Variants in RNF217 observed in about 807,000 individuals in gnomAD.
RNF217 encodes E3 ubiquitin-protein ligase RNF217.
A neutral mutation model predicts 57.8 loss-of-function variants in RNF217; 31 were observed. The ratio of observed to expected loss-of-function variants is 0.54; its 90% confidence interval spans 0.40 to 0.72. RNF217 has a LOEUF of 0.72. RNF217 is among the 30% of genes least tolerant of loss of function. RNF217 has a pLI of 0.00. For synonymous variants in RNF217, 313 were observed against 294.0 expected, an observed-to-expected ratio of 1.06 and a Z score of -0.66; for missense variants, 696 against 708.3, an observed-to-expected ratio of 0.98 and a Z score of 0.20.
intron 1 of RNF217, among the ~76,000 whole-genome samples, chr6:125,007,309 G>C (rs550697966): frequency 8.0e-5 from 12 of 150,188 alleles, no homozygotes; most frequent in African/African-American, 2.9e-4. Flanking sequence ...GCAGTGGTGC[G>C]ATCTCGGCTC....
intron 1 of RNF217, among the ~76,000 whole-genome samples, chr6:125,030,004 G>T (rs148584941): frequency 6.6e-6 from 1 of 152,228 alleles, no homozygotes; most frequent in African/African-American, 2.4e-5. Flanking sequence ...GTTACACGTG[G>T]CTGGGGAGGC....
chr6:124,965,141 G>A (rs1029460201), intron 1 of RNF217, among the ~76,000 whole-genome samples: 1 of 151,438 alleles, frequency 6.6e-6, no homozygotes, highest in African/African-American at 2.5e-5. Flanking sequence ...TAGTCAAGTG[G>A]TCATTGCAGT....
intron 1 of RNF217, among the ~76,000 whole-genome samples, chr6:124,979,736 T>C (rs1784091208): frequency 6.6e-6 from 1 of 152,240 alleles, no homozygotes; most frequent in South Asian, 2.1e-4. Context: ...ACAGTTTGCT[T>C]GAGCTGTAAC....
chr6:125,008,224 C>T (rs1227555343), intron 1 of RNF217, among the ~76,000 whole-genome samples: 1 of 151,790 alleles, frequency 6.6e-6, no homozygotes, highest in Non-Finnish European at 1.5e-5. Context: ...CCACTGCACT[C>T]CAGCCTGGGT....
In RNF217 at chr6:125,040,103, GA is replaced by G. The variant is rs1237774264; in HGVS notation, c.883-5106del. On this transcript the variant is annotated intron_variant, in intron 1 of 5. Coordinates refer to ENST00000521654, the MANE Select transcript of RNF217 (RefSeq NM_001286398.3). Reference sequence around the variant, plus strand: ...AAATAACTAAGATCAGAGCAGAATTGAAGGAGATAGAGACATGAAAAAACCT... The same window carrying G: ...AAATAACTAAGATCAGAGCAGAATTGAGGAGATAGAGACATGAAAAAACCT... 2.6e-5 allele frequency among the ~76,000 whole-genome samples: 4 copies of G among 152,180 alleles called. No homozygotes were observed. The East Asian group carries it at 7.7e-4, about 29-fold the overall frequency.
intron 1 of RNF217, among the ~76,000 whole-genome samples, chr6:125,025,542 CAAAG>C (rs1455501679): frequency 1.8e-5 from 2 of 108,602 alleles, no homozygotes; most frequent in Non-Finnish European, 3.5e-5. Flanking sequence ...GGGATATTTC[CAAAG>C]GAAGGAAGGA....
At chr6:125,073,564 C>T (rs1328269243) in intron 3 of RNF217, among the ~76,000 whole-genome samples, 1 of 152,160 alleles carries the variant, frequency 6.6e-6, no homozygotes, top group Non-Finnish European at 1.5e-5. Flanking sequence ...TTAGATAAGG[C>T]AACCCATAGC....
At position 125,058,067 on chromosome 6, in the gene RNF217, G is replaced by A. The variant is rs150986062; in HGVS notation, c.1242G>A (p.Glu414=). The A allele has an allele frequency of 2.5e-5, 40 of 1,613,382 alleles. 1 individual carries two copies. Among genetic ancestry groups the A allele is most frequent in the South Asian group, 1.9e-4 (17 of 91,028 alleles). Residue 414 remains glutamate (E), a synonymous_variant, in exon 3 of 6, where the codon GAG becomes GAA. Transcript: ENST00000521654. ...KLLRHWASEI[E]HGQRNAQKCP... is the part of the protein sequence containing the mutation. Reference sequence around the variant, plus strand: ...TGCGTCACTGGGCCAGCGAAATTGAGCATGGGCAGAGGAATGCCCAGAAGT... The same window carrying A: ...TGCGTCACTGGGCCAGCGAAATTGAACATGGGCAGAGGAATGCCCAGAAGT...
chr6:125,031,139 CAG>C (rs1562477139), intron 1 of RNF217, among the ~76,000 whole-genome samples: 1 of 152,230 alleles, frequency 6.6e-6, no homozygotes, highest in Admixed American at 6.5e-5. Flanking sequence ...AGCTGGGACA[CAG>C]GGCACCAAGT....
At chr6:124,978,704 G>A (rs1203718936) in intron 1 of RNF217, among the ~76,000 whole-genome samples, 4 of 152,060 alleles carry the variant, frequency 2.6e-5, no homozygotes, top group Admixed American at 6.6e-5. Context: ...TTCATTCCTG[G>A]TGCCTGCAGC....
intron 1 of RNF217, among the ~76,000 whole-genome samples, chr6:124,969,445 A>T (rs558275881): frequency 1.3e-5 from 2 of 152,290 alleles, no homozygotes; most frequent in South Asian, 2.1e-4. Context: ...TGCTTTAAAA[A>T]TTCAATGTGT....
In RNF217 at chr6:125,082,645, C is replaced by T. The variant is rs990361333; in HGVS notation, c.1556-219C>T. 2.8e-5 allele frequency: 43 copies of T among 1,554,414 alleles called. No individual in the cohort carries two copies. In the Admixed American group the frequency reaches 7.3e-4, roughly 27 times the overall value. Reference sequence around the variant, plus strand: ...AAAGTTTTGATATTTGGATAGAAATCATTATTATTAAACTGGTATCACTGA... The same window carrying T: ...AAAGTTTTGATATTTGGATAGAAATTATTATTATTAAACTGGTATCACTGA... On this transcript the variant is annotated intron_variant, in intron 5 of 5. Coordinates refer to ENST00000521654, the MANE Select transcript of RNF217 (RefSeq NM_001286398.3).
At chr6:125,012,606 G>A (rs1785452508) in intron 1 of RNF217, among the ~76,000 whole-genome samples, 1 of 152,110 alleles carries the variant, frequency 6.6e-6, no homozygotes, top group South Asian at 2.1e-4. Flanking sequence ...GTGTTTTGCA[G>A]AAATTTATTC....
chr6:124,990,891 C>T (rs1206566096), intron 1 of RNF217, among the ~76,000 whole-genome samples: 1 of 151,990 alleles, frequency 6.6e-6, no homozygotes, highest in Admixed American at 6.6e-5. Flanking sequence ...AAAGCAAGAC[C>T]CCATCTCTAC....
chr6:125,049,839 A>G (rs78903668), intron 2 of RNF217, among the ~76,000 whole-genome samples: 9,774 of 151,822 alleles, frequency 0.064, 1,060 homozygotes, highest in African/African-American at 0.22. Flanking sequence ...AAAATTGACT[A>G]TGTCTGGAAG....
chr6:125,042,585 C>T (rs1039078290), intron 1 of RNF217, among the ~76,000 whole-genome samples: 2 of 152,038 alleles, frequency 1.3e-5, no homozygotes, highest in Admixed American at 6.6e-5. Context: ...ATATATTCTT[C>T]GGAAATTGAA....
At chr6:124,987,104 T>G (rs1784391917) in intron 1 of RNF217, among the ~76,000 whole-genome samples, 1 of 152,206 alleles carries the variant, frequency 6.6e-6, no homozygotes, top group Non-Finnish European at 1.5e-5. Flanking sequence ...ATTCTTTAGA[T>G]TCATCTCTTG....
intron 2 of RNF217, among the ~76,000 whole-genome samples, chr6:125,052,944 T>C (rs1787383323): frequency 6.6e-6 from 1 of 152,090 alleles, no homozygotes; most frequent in Admixed American, 6.6e-5. Flanking sequence ...GCTCCATTTA[T>C]TGTACACTTA....
chr6:125,049,327 T>TTCTAACTGGTC (rs1297117436), intron 2 of RNF217, among the ~76,000 whole-genome samples: 1 of 152,088 alleles, frequency 6.6e-6, no homozygotes. Context: ...AAGTTTCTCT[T>TTCTAACTGGTC]TCTAACTGGT....
Sources: gnomAD v4.1 joint callset for allele counts (sites outside exome capture counted in the v4.1 genomes callset) on GRCh38, gnomAD v4.1.1 for gene constraint, MANE v1.5 for transcripts, NCBI Gene and HGNC (gene_info 2026-07-23, HGNC 2026-07-21) for gene names.